Variants in BRD1 observed in about 807,000 individuals in gnomAD.
BRD1 encodes bromodomain containing 1, also known as bromodomain-containing protein 1.
A neutral mutation model predicts 107.7 loss-of-function variants in BRD1; 24 were observed. The observed-to-expected ratio is 0.22, with a 90% CI of 0.16 to 0.31. BRD1 has a LOEUF of 0.31. Ranked by LOEUF, BRD1 falls within the 10% of genes least tolerant of loss-of-function variation. The probability of loss-of-function intolerance (pLI) is 1.00; values close to 1 mark genes in which losing one functional copy is unlikely to be tolerated. For synonymous variants in BRD1, 744 were observed against 686.1 expected (o/e 1.08, Z -1.32); for missense variants, 1,279 against 1,638.6 (o/e 0.78, Z 3.79).
Position 49,823,993 on chromosome 22 carries a change from C to A in BRD1, c.325G>T (p.Gly109Cys). The change falls in exon 2 of 13, where the codon GGC (glycine) becomes TGC (cysteine). Residue 109 changes from glycine (G) to cysteine (C), a missense_variant. Coordinates refer to ENST00000404760, the MANE Select transcript of BRD1 (RefSeq NM_001304808.3). The part of the protein sequence containing the change: ...KKNEALPSAH[G>C]TPASASALPE... ...AGGGCACTGGCCGAGGCCGGCGTGC[C>A]GTGGGCGCTGGGGAGGGCCTCGTTT... 1 of 1,614,014 alleles carries A rather than the reference C, an allele frequency of 6.2e-7. No homozygotes were observed. The highest frequency in any genetic ancestry group is 8.5e-7 in the Non-Finnish European group (1 of 1,180,044).
chr22:49,794,749 T>C (rs1029409114), intron 6 of BRD1, among the ~76,000 whole-genome samples: 5 of 152,244 alleles, frequency 3.3e-5, no homozygotes, highest in Admixed American at 6.5e-5. Flanking sequence ...GTTAGGGCCA[T>C]TGCACGTCCT....
rs1002527083 is a variant in BRD1, at chr22:49,824,015, G to A, written c.303C>T (p.Asn101=). 2.7e-5 allele frequency: 44 copies of A among 1,613,706 alleles called. No homozygotes were observed. Among genetic ancestry groups the A allele is most frequent in the Middle Eastern group, 1.6e-4 (1 of 6,082 alleles). The change falls in exon 2 of 13, where the codon AAC becomes AAT. Residue 101 remains asparagine (N), a synonymous_variant. Transcript: ENST00000404760. The surrounding 1 kb of genome is among the most constrained non-coding windows in gnomAD (Gnocchi z 5.9). ...RHKNNRVKKK[N]EALPSAHGTP... ...TGCCGTGGGCGCTGGGGAGGGCCTC[G>A]TTTTTCTTTTTGACTCTGTTGTTTT...
At chr22:49,800,854 G>A (rs904047378) in intron 3 of BRD1, among the ~76,000 whole-genome samples, 5 of 152,256 alleles carry the variant, frequency 3.3e-5, no homozygotes, top group East Asian at 1.9e-4. Context: ...GAAGCTGAGC[G>A]CCTCCGCGTC....
chr22:49,792,588 A>C lies in BRD1; in HGVS notation c.2359+1446T>G, dbSNP rs2059455638. Among the ~76,000 whole-genome samples, 1 of 152,232 alleles carries C rather than the reference A, an allele frequency of 6.6e-6. No homozygotes were observed. Among genetic ancestry groups the C allele is most frequent in the Non-Finnish European group, 1.5e-5 (1 of 68,040 alleles). On this transcript the variant is annotated intron_variant, in intron 7 of 12. Coordinates refer to ENST00000404760, the MANE Select transcript of BRD1 (RefSeq NM_001304808.3). The surrounding 1 kb of genome is among the most constrained non-coding windows in gnomAD (Gnocchi z 4.2). Reference sequence around the variant, plus strand: ...TGGGAGAAGAGAAAACCAAGCGCTCACCTTGAAATAGAAAAGCCTTTATTC... The same window carrying C: ...TGGGAGAAGAGAAAACCAAGCGCTCCCCTTGAAATAGAAAAGCCTTTATTC...
chr22:49,793,931 G>A (rs528469716), intron 7 of BRD1, 103 bp downstream of exon 7: 29 of 1,471,662 alleles, frequency 2.0e-5, no homozygotes, highest in African/African-American at 2.8e-5. Context: ...CTGAGCCTCC[G>A]TGCACACCAA....
chr22:49,775,835 C>CAACCCCGCCCCCCTG (rs1555900546), intron 11 of BRD1, 90 bp from the exon 12 acceptor site: 4 of 1,344,808 alleles, frequency 3.0e-6, no homozygotes, highest in African/African-American at 3.4e-5. Context: ...GCCTCCCCAC[C>CAACCCCGCCCCCCTG]CCAGCTGTGT....
chr22:49,800,544 C>T (rs1205485166), intron 3 of BRD1, among the ~76,000 whole-genome samples: 2 of 152,164 alleles, frequency 1.3e-5, no homozygotes, highest in African/African-American at 4.8e-5. Flanking sequence ...GAATCTGTTA[C>T]GAAGCGGAAG....
Position 49,782,133 on chromosome 22 carries a change from G to A in BRD1, c.2858-4320C>T, listed in dbSNP as rs555971919. Among the ~76,000 whole-genome samples, 18 of 140,636 alleles carry A rather than the reference G, an allele frequency of 1.3e-4. No individual in the cohort carries two copies. In the South Asian group the frequency reaches 1.6e-3, roughly 13 times the overall value. The allele number at this position is 140,636 out of a possible 152,430, so 92.3% of individuals were successfully genotyped here. A position where few individuals can be genotyped will look rare whatever the true frequency, so the allele number is the denominator to read the frequency against. ...GACAGACCCAAGGCCCAGGCCAGAC[G>A]CCTGCACGAGACCTGCTCTTGCTGG... On this transcript the variant is annotated intron_variant, in intron 8 of 12. Coordinates refer to ENST00000404760, the MANE Select transcript of BRD1 (RefSeq NM_001304808.3).
intron 7 of BRD1, among the ~76,000 whole-genome samples, chr22:49,790,810 ATCCT>A (rs1484584815): frequency 1.3e-5 from 2 of 152,210 alleles, no homozygotes; most frequent in Non-Finnish European, 2.9e-5. Flanking sequence ...AGGAACATGC[ATCCT>A]TCCTTTCCTG....
Position 49,787,478 on chromosome 22 carries a change from C to T in BRD1, c.2769G>A (p.Glu923=). ...TFLSVVLPRL[E]TLLQPRKRSR... ...ACCTTTTCCTTGGCTGCAGAAGAGT[C>T]TCCAACCTCGGAAGGACTACAGACA... is the stretch of plus-strand genomic sequence containing the variant. Residue 923 remains glutamate, a synonymous_variant, in exon 8 of 13, where the codon GAG becomes GAA. Transcript: ENST00000404760. 1 of 1,614,230 alleles carries T rather than the reference C, an allele frequency of 6.2e-7. No individual in the cohort carries two copies. Among genetic ancestry groups the T allele is most frequent in the Non-Finnish European group, 8.5e-7 (1 of 1,180,046 alleles).
intron 11 of BRD1, 133 bp downstream of exon 11, chr22:49,775,917 T>A: frequency 4.4e-6 from 4 of 905,140 alleles, no homozygotes; most frequent in Non-Finnish European, 6.1e-6. Flanking sequence ...GTGAACCTCC[T>A]CTGACCAACC....
chr22:49,775,772 A>AT, intron 11 of BRD1, 27 bp from the exon 12 acceptor site: 3 of 1,555,706 alleles, frequency 1.9e-6, no homozygotes, highest in Non-Finnish European at 2.6e-6. Flanking sequence ...CGCTGAGGTC[A>AT]TTGTGAGGCT....
In BRD1 at chr22:49,787,795, C is replaced by T; in HGVS notation, c.2452G>A (p.Val818Ile). ...TTACTCTGCTCTGGGTTGAGTTCTACTGGTTTGAGGGTTGGTGGTTCTGAA... is the reference window on the plus strand; with the variant it reads ...TTACTCTGCTCTGGGTTGAGTTCTATTGGTTTGAGGGTTGGTGGTTCTGAA... ...TNSEPPTLKP[V>I]ELNPEQSKLF... Residue 818 changes from valine to isoleucine, a missense_variant, in exon 8 of 13, where the codon GTA becomes ATA. By Grantham distance (29) the Val-to-Ile change is conservative (BLOSUM62 3). Coordinates refer to ENST00000404760, the MANE Select transcript of BRD1 (RefSeq NM_001304808.3). 6.4e-7 allele frequency: 1 copy of T among 1,550,870 alleles called. No individual in the cohort carries two copies. Among genetic ancestry groups the T allele is most frequent in the Non-Finnish European group, 8.7e-7 (1 of 1,147,058 alleles).
chr22:49,774,060 G>T lies in BRD1; in HGVS notation c.*173C>A. ...CGGACGTGCCCACCCCACTCACAGC[G>T]CCCAGACGGAGATGGGTTCCTAGAA... On this transcript the variant is annotated 3_prime_UTR_variant, in exon 13 of 13. Coordinates refer to ENST00000404760, the MANE Select transcript of BRD1 (RefSeq NM_001304808.3). The T allele has an allele frequency of 1.1e-6, 1 of 875,424 alleles. No individual in the cohort carries two copies. The highest frequency in any genetic ancestry group is 1.7e-6 in the Non-Finnish European group (1 of 599,560). 54.2% of individuals were successfully genotyped at this position (875,424 alleles called of 1,614,324 possible).
At chr22:49,813,704 C>T (rs892923625) in intron 2 of BRD1, among the ~76,000 whole-genome samples, 3 of 151,686 alleles carry the variant, frequency 2.0e-5, no homozygotes, top group Non-Finnish European at 2.9e-5. Context: ...TGGTGGCAGG[C>T]GCCTGTAATG....
chr22:49,822,772 C>T (rs2060092985), intron 2 of BRD1, among the ~76,000 whole-genome samples, 179 bp downstream of exon 2: 1 of 152,036 alleles, frequency 6.6e-6, no homozygotes, highest in African/African-American at 2.4e-5. Flanking sequence ...TCTTTTACAA[C>T]ATCTATTCCC....
chr22:49,809,868 G>A (rs188984222), intron 2 of BRD1, among the ~76,000 whole-genome samples: 6 of 152,142 alleles, frequency 3.9e-5, no homozygotes, highest in South Asian at 2.1e-4. Flanking sequence ...ACCAATTCAC[G>A]CAAAAATAAA....
intron 3 of BRD1, among the ~76,000 whole-genome samples, chr22:49,799,641 T>C (rs1307918106): frequency 3.3e-5 from 5 of 152,070 alleles, no homozygotes. Flanking sequence ...GCACAGCGCC[T>C]CCATCCCGAC....
At chr22:49,777,636 C>A in intron 9 of BRD1, 42 bp downstream of exon 9, 1 of 1,586,232 alleles carries the variant, frequency 6.3e-7, no homozygotes. Flanking sequence ...GCGGGCGGTG[C>A]TGGGAGCTGC....
Sources: allele counts gnomAD v4.1 joint callset (sites outside exome capture counted in the v4.1 genomes callset), GRCh38; gene constraint gnomAD v4.1.1; non-coding constraint Gnocchi (gnomAD v3.1); transcripts MANE v1.5; gene names NCBI Gene and HGNC (gene_info 2026-07-23, HGNC 2026-07-21).